CPZ: variants seen among roughly 807,000 people sequenced by gnomAD.
CPZ encodes the protein carboxypeptidase Z, also known as VEZT/CPZ fusion.
A neutral mutation model predicts 61.8 loss-of-function variants in CPZ; 103 were observed. The ratio of observed to expected loss-of-function variants is 1.67; its 90% CI spans 1.42 to 1.96. The LOEUF (loss-of-function observed/expected upper bound fraction) is 1.96, where lower values mean the gene tolerates loss of function less well. Among genes scored for constraint, CPZ ranks in the 30% most tolerant of loss-of-function variants. The pLI, the probability that CPZ is intolerant of heterozygous loss-of-function variation, is 0.00. For synonymous variants in CPZ, 551 were observed against 373.7 expected (o/e 1.47, Z -5.47); for missense variants, 1,461 against 914.9 (o/e 1.60, Z -7.70).
intron 7 of CPZ, among the ~76,000 whole-genome samples, chr4:8,610,416 G>C (rs1347378125): frequency 6.6e-6 from 1 of 152,158 alleles, no homozygotes; most frequent in Non-Finnish European, 1.5e-5. Context: ...AGTGATGGGA[G>C]GGAGGCCCCA....
rs1715729887 is a variant in CPZ at position 8,611,903 on chromosome 4, A to C, written c.1228-124A>C. On this transcript the variant is annotated intron_variant, in intron 7 of 10. Coordinates refer to ENST00000360986, the MANE Select transcript of CPZ (RefSeq NM_001014447.3). The stretch of plus-strand genomic sequence containing the variant: ...CCGTTCCCCTCTCCTACCTGCAGAC[A>C]CCATTCCCCTCTCCTATCTGCAATG... The C allele has an allele frequency of 2.2e-6, 3 of 1,355,890 alleles. 1 individual carries two copies. In the South Asian group the frequency reaches 3.9e-5, roughly 18 times the overall value. The allele number at this position is 1,355,890 out of a possible 1,614,324, so 84.0% of individuals were successfully genotyped here.
At position 8,603,964 on chromosome 4, in the gene CPZ, C is replaced by G. The variant is rs759656398; in HGVS notation, c.497-12C>G. 2.2e-5 allele frequency: 35 copies of G among 1,611,212 alleles called. No individual in the cohort carries two copies. The highest frequency in any genetic ancestry group is 1.7e-4 in the African/African-American group (13 of 74,938). On this transcript the variant is annotated splice_polypyrimidine_tract_variant and intron_variant, in intron 3 of 10. Transcript: ENST00000360986. ...GCCTGACACTGACTGAGCCCCCCCA[C>G]TGCTCCCCCAGGAGGCCTGGAGGCT...
At chr4:8,599,769 C>T (rs757085938) in intron 2 of CPZ, 26 of 562,938 alleles carry the variant, frequency 4.6e-5, no homozygotes, top group African/African-American at 1.6e-4. Flanking sequence ...TGCAGTCACA[C>T]GTCCTGCATT....
intron 8 of CPZ, among the ~76,000 whole-genome samples, chr4:8,613,812 C>G (rs1278305347): frequency 6.6e-6 from 1 of 152,196 alleles, no homozygotes; most frequent in African/African-American, 2.4e-5. Flanking sequence ...CGTGGTCTCC[C>G]TGGGAGATGG....
In CPZ at chr4:8,607,420, GAGA is replaced by G. The variant is rs747760655; in HGVS notation, c.1225_1227del (p.Lys409del). Reference sequence around the variant, plus strand: ...GAAGATGTTTTCTCCCACGCCCGACGAGAAGGTGAGAGGGCTGTCGGGTGTGTG... The same window carrying G: ...GAAGATGTTTTCTCCCACGCCCGACGAGGTGAGAGGGCTGTCGGGTGTGTG... On this transcript the variant is annotated inframe_deletion and splice_region_variant, in exon 7 of 11. Coordinates refer to ENST00000360986, the MANE Select transcript of CPZ (RefSeq NM_001014447.3). 8.7e-6 allele frequency: 14 copies of G among 1,613,836 alleles called. No homozygotes were observed. The highest frequency in any genetic ancestry group is 2.2e-5 in the East Asian group (1 of 44,880).
At chr4:8,599,291 T>A (rs1714399094) in intron 1 of CPZ, among the ~76,000 whole-genome samples, 162 bp from the exon 2 acceptor site, 1 of 152,174 alleles carries the variant, frequency 6.6e-6, no homozygotes, top group Non-Finnish European at 1.5e-5. Context: ...GGGGTGACTG[T>A]GGTGTCTGCC....
In CPZ at chr4:8,601,323, C is replaced by G. The variant is rs201998429; in HGVS notation, c.322C>G (p.Arg108Gly). ...RLLGCAVLAP[R>G]CEGGWVRRPC... ...GCTGGGCTGTGCTGTGCTGGCCCCC[C>G]GGTGTGAGGGCGGCTGGGTGCGCAG... Residue 108 changes from arginine to glycine, a missense_variant, in exon 3 of 11, where the codon CGG (arginine) becomes GGG (glycine). Transcript: ENST00000360986. 2 of 1,609,376 alleles carry G rather than the reference C, an allele frequency of 1.2e-6. No homozygotes were observed. Among genetic ancestry groups the G allele is most frequent in the East Asian group, 2.2e-5 (1 of 44,690 alleles).
intron 8 of CPZ, among the ~76,000 whole-genome samples, chr4:8,614,025 C>T (rs28704962): frequency 0.026 from 3,962 of 150,544 alleles, 190 homozygotes; most frequent in African/African-American, 0.094. Flanking sequence ...TGGACTTTGC[C>T]GCCAAGCGGC....
At chr4:8,615,971 CTA>C (rs1165989132) in intron 9 of CPZ, among the ~76,000 whole-genome samples, 1 of 152,226 alleles carries the variant, frequency 6.6e-6, no homozygotes, top group Non-Finnish European at 1.5e-5. Flanking sequence ...TCCCATTCTT[CTA>C]TGAGCTCTCG....
intron 10 of CPZ, among the ~76,000 whole-genome samples, chr4:8,619,004 CTG>C (rs1716450360): frequency 6.8e-6 from 1 of 146,586 alleles, no homozygotes; most frequent in Non-Finnish European, 1.5e-5. Context: ...CTTTTGCTAA[CTG>C]TGGGGTGGGT....
At chr4:8,611,349 C>T (rs552215630) in intron 7 of CPZ, 67 of 442,652 alleles carry the variant, frequency 1.5e-4, no homozygotes, top group African/African-American at 6.6e-4. Context: ...GGGCACAATG[C>T]GGGGAAGCTC....
intron 8 of CPZ, among the ~76,000 whole-genome samples, chr4:8,613,251 C>T (rs1175054656): frequency 6.6e-6 from 1 of 152,070 alleles, no homozygotes; most frequent in South Asian, 2.1e-4. Flanking sequence ...CCTGCCTCAG[C>T]CTCCCGAGTA....
At position 8,619,507 on chromosome 4, in the gene CPZ, G is replaced by T; in HGVS notation, c.1849G>T (p.Asp617Tyr). The change falls in exon 11 of 11, where the codon GAC becomes TAC. Residue 617 changes from aspartate (D) to tyrosine (Y), a missense_variant. Physicochemically the swap from Asp to Tyr is radical, Grantham distance 160 (BLOSUM62 -3). Transcript: ENST00000360986. ...CTCTTTGGGGGAGGCCACGGAGCCC[G>T]ACCCGCTCCGGGCGCGCAGGCAGCC... is the stretch of plus-strand genomic sequence containing the variant. ...ASSLGEATEP[D>Y]PLRARRQPSA... 6.2e-7 allele frequency: 1 copy of T among 1,602,042 alleles called. No homozygotes were observed. Among genetic ancestry groups the T allele is most frequent in the Non-Finnish European group, 8.5e-7 (1 of 1,172,676 alleles).
chr4:8,611,928 G>A, intron 7 of CPZ, 99 bp from the exon 8 acceptor site: 1 of 1,531,978 alleles, frequency 6.5e-7, no homozygotes, highest in Non-Finnish European at 8.9e-7. Flanking sequence ...TATCTGCAAT[G>A]CAGGTGTTTG....
chr4:8,606,250 A>C, intron 5 of CPZ, 65 bp downstream of exon 5: 10 of 1,473,214 alleles, frequency 6.8e-6, no homozygotes, highest in Non-Finnish European at 9.2e-6. Context: ...TCATCCATTT[A>C]TGAGTAGTTT....
chr4:8,596,345 C>T (rs1714176681), intron 1 of CPZ, among the ~76,000 whole-genome samples: 3 of 152,234 alleles, frequency 2.0e-5, no homozygotes, highest in Admixed American at 1.3e-4. Context: ...CCACTGCACC[C>T]GGCTGTTGTT....
chr4:8,614,077 C>A (rs938666984), intron 8 of CPZ, among the ~76,000 whole-genome samples: 3 of 152,258 alleles, frequency 2.0e-5, no homozygotes, highest in Admixed American at 1.3e-4. Context: ...ATTGCGGGAC[C>A]CTTAAATGCC....
chr4:8,606,636 C>T (rs1379260192), intron 5 of CPZ, 101 bp from the exon 6 acceptor site: 9 of 1,461,816 alleles, frequency 6.2e-6, no homozygotes, highest in Non-Finnish European at 8.5e-6. Flanking sequence ...GGGGAAACCG[C>T]AGCCCCTGGC....
intron 10 of CPZ, 93 bp downstream of exon 10, chr4:8,618,621 C>A: frequency 8.2e-7 from 1 of 1,218,720 alleles, no homozygotes; most frequent in Non-Finnish European, 1.2e-6. Context: ...CACAGTGTGC[C>A]CAGCCCTCAG....
Sources: gnomAD v4.1 joint callset for allele counts (sites outside exome capture counted in the v4.1 genomes callset) on GRCh38, gnomAD v4.1.1 for gene constraint, MANE v1.5 for transcripts, NCBI Gene and HGNC (gene_info 2026-07-23, HGNC 2026-07-21) for gene names.